PARD3: variants seen among roughly 807,000 people sequenced by gnomAD.
PARD3 encodes par-3 family cell polarity regulator.
PARD3 carries 75 observed loss-of-function variants against 155.4 expected under a neutral mutation model. The observed-to-expected ratio is 0.48, with a 90% CI of 0.40 to 0.58. PARD3 has a LOEUF of 0.58. PARD3 is among the 20% of genes least tolerant of loss of function. The pLI, the probability that PARD3 is intolerant of heterozygous loss-of-function variation, is 0.00. For synonymous variants in PARD3, 576 were observed against 610.5 expected, an observed-to-expected ratio of 0.94 and a Z score of 0.83; for missense variants, 1,642 against 1,721.7, an observed-to-expected ratio of 0.95 and a Z score of 0.82.
At chr10:34,689,038 C>G (rs1447059065) in intron 2 of PARD3, among the ~76,000 whole-genome samples, 1 of 152,142 alleles carries the variant, frequency 6.6e-6, no homozygotes, top group Non-Finnish European at 1.5e-5. Context: ...CACAGAGATC[C>G]TATTTCCCAG....
At chr10:34,657,098 T>G (rs545618734) in intron 2 of PARD3, among the ~76,000 whole-genome samples, 1 of 152,084 alleles carries the variant, frequency 6.6e-6, no homozygotes, top group Non-Finnish European at 1.5e-5. Flanking sequence ...GCCTTGGCAA[T>G]TGCATAAATA....
At chr10:34,600,464 G>C (rs1389501323) in intron 2 of PARD3, among the ~76,000 whole-genome samples, 2 of 152,050 alleles carry the variant, frequency 1.3e-5, no homozygotes, top group African/African-American at 2.4e-5. Context: ...AAAAAAATCA[G>C]TAATATCCAG....
chr10:34,303,586 C>G (rs1231764033), intron 20 of PARD3, among the ~76,000 whole-genome samples: 1 of 150,672 alleles, frequency 6.6e-6, no homozygotes, highest in East Asian at 1.9e-4. Context: ...TTCCTAATAG[C>G]TAAAATCAGC....
chr10:34,465,831 G>A, intron 4 of PARD3, among the ~76,000 whole-genome samples: 1 of 152,078 alleles, frequency 6.6e-6, no homozygotes, highest in East Asian at 1.9e-4. Context: ...CCCCGGCACT[G>A]CATGGAAAGC....
chr10:34,776,115 A>G (rs1182602759), intron 1 of PARD3, among the ~76,000 whole-genome samples: 1 of 152,226 alleles, frequency 6.6e-6, no homozygotes, highest in Non-Finnish European at 1.5e-5. Context: ...TTGGAAAAGT[A>G]CGAAGCCAAT....
chr10:34,534,732 C>A (rs1424318216), intron 2 of PARD3, among the ~76,000 whole-genome samples: 1 of 152,090 alleles, frequency 6.6e-6, no homozygotes, highest in Non-Finnish European at 1.5e-5. Context: ...AATTTAGGGC[C>A]AGGCATGGTG....
chr10:34,346,069 G>C (rs776376715), intron 15 of PARD3: 1 of 986,898 alleles, frequency 1.0e-6, no homozygotes, highest in East Asian at 1.1e-4. Flanking sequence ...CCAGCCCAAA[G>C]TGGTAAAAGG....
chr10:34,814,827 C>T, intron 1 of PARD3, 49 bp downstream of exon 1: 1 of 1,257,904 alleles, frequency 7.9e-7, no homozygotes, highest in East Asian at 3.0e-5. Context: ...TTGATCCCGG[C>T]GCCGTCCCCG....
intron 20 of PARD3, among the ~76,000 whole-genome samples, chr10:34,305,734 A>T (rs2570333): frequency 0.67 from 102,555 of 152,144 alleles, 35,403 homozygotes; most frequent in African/African-American, 0.83. Flanking sequence ...ATCCTAGTAG[A>T]CTGGGAGGCC....
At chr10:34,523,568 T>G (rs2082286710) in intron 2 of PARD3, among the ~76,000 whole-genome samples, 1 of 151,976 alleles carries the variant, frequency 6.6e-6, no homozygotes, top group Non-Finnish European at 1.5e-5. Flanking sequence ...CCTCCATGAG[T>G]CAAGCCAGAT....
intron 2 of PARD3, among the ~76,000 whole-genome samples, chr10:34,616,949 AT>A (rs1336017920): frequency 5.3e-5 from 8 of 150,718 alleles, no homozygotes; most frequent in East Asian, 1.9e-4. Context: ...AAAAAAAAAA[AT>A]AACTAAATTA....
chr10:34,521,155 T>C (rs1157011153), intron 2 of PARD3, among the ~76,000 whole-genome samples: 2 of 152,160 alleles, frequency 1.3e-5, no homozygotes, highest in African/African-American at 4.8e-5. Flanking sequence ...ACATATATAT[T>C]AGTTTCAATA....
intron 1 of PARD3, among the ~76,000 whole-genome samples, chr10:34,789,754 AACAG>A (rs1213852361): frequency 6.8e-6 from 1 of 146,330 alleles, no homozygotes. Flanking sequence ...TACACAAACA[AACAG>A]AAAGAATGCA....
intron 2 of PARD3, among the ~76,000 whole-genome samples, chr10:34,558,337 T>C (rs1330997884): frequency 1.1e-4 from 16 of 152,210 alleles, no homozygotes; most frequent in Admixed American, 8.5e-4. Flanking sequence ...TGCTTCACTG[T>C]ATTAGTCATA....
chr10:34,177,680 A>G (rs1270678320), intron 22 of PARD3, among the ~76,000 whole-genome samples: 1 of 152,162 alleles, frequency 6.6e-6, no homozygotes, highest in Non-Finnish European at 1.5e-5. Context: ...GCCTCGTTTT[A>G]GTAGAATGCA....
At chr10:34,185,163 G>A (rs1037867926) in intron 22 of PARD3, among the ~76,000 whole-genome samples, 3 of 152,198 alleles carry the variant, frequency 2.0e-5, no homozygotes, top group Non-Finnish European at 4.4e-5. Context: ...TATGTAGATT[G>A]GATGAGCTAT....
At chr10:34,763,203 A>G (rs367623679) in intron 1 of PARD3, among the ~76,000 whole-genome samples, 2 of 152,224 alleles carry the variant, frequency 1.3e-5, no homozygotes, top group African/African-American at 4.8e-5. Context: ...ATTGTCTTCA[A>G]TATCTAAAGG....
At chr10:34,670,398 C>T (rs767087512) in intron 2 of PARD3, among the ~76,000 whole-genome samples, 1 of 152,268 alleles carries the variant, frequency 6.6e-6, no homozygotes, top group African/African-American at 2.4e-5. Context: ...GGCATATGCT[C>T]AAATGCCACT....
At chr10:34,345,440 C>T in intron 15 of PARD3, 1 of 985,268 alleles carries the variant, frequency 1.0e-6, no homozygotes, top group Non-Finnish European at 1.2e-6. Flanking sequence ...AATTTCAATA[C>T]AAAGTTCCTT....
Sources: allele counts gnomAD v4.1 joint callset (sites outside exome capture counted in the v4.1 genomes callset), GRCh38; gene constraint gnomAD v4.1.1; transcripts MANE v1.5; gene names NCBI Gene and HGNC (gene_info 2026-07-23, HGNC 2026-07-21).